Variants in DOCK4 observed in about 807,000 individuals in gnomAD.
DOCK4 encodes the protein dedicator of cytokinesis protein 4.
Under a neutral mutation model 268.1 loss-of-function variants are expected in DOCK4, and 97 were observed. The observed-to-expected ratio is 0.36, with a 90% CI of 0.31 to 0.43. The LOEUF (loss-of-function observed/expected upper bound fraction) is 0.43, where lower values mean the gene tolerates loss of function less well. Ranked by LOEUF, DOCK4 falls within the 20% of genes least tolerant of loss-of-function variation. The pLI, the probability that DOCK4 is intolerant of heterozygous loss-of-function variation, is 1.00. For synonymous variants in DOCK4, 954 were observed against 887.2 expected, an observed-to-expected ratio of 1.08 and a Z score of -1.34; for missense variants, 2,145 against 2,455.7, an observed-to-expected ratio of 0.87 and a Z score of 2.67.
chr7:111,803,902 C>T (rs1318797022), intron 30 of DOCK4, among the ~76,000 whole-genome samples: 1 of 152,164 alleles, frequency 6.6e-6, no homozygotes, highest in Non-Finnish European at 1.5e-5. Context: ...TGAGATACCA[C>T]CTCACACCCA....
At chr7:111,735,953 T>C (rs1795445379) in intron 50 of DOCK4, among the ~76,000 whole-genome samples, 1 of 152,238 alleles carries the variant, frequency 6.6e-6, no homozygotes, top group South Asian at 2.1e-4. Flanking sequence ...CTTAAAATTC[T>C]TTTTCTCTAT....
At chr7:112,202,750 C>T (rs1462596798) in intron 1 of DOCK4, among the ~76,000 whole-genome samples, 1 of 150,726 alleles carries the variant, frequency 6.6e-6, no homozygotes, top group East Asian at 1.9e-4. Flanking sequence ...CAGAGCAAAA[C>T]CCTGTCTCTA....
chr7:111,727,188 T>A lies in DOCK4; in HGVS notation c.*1086A>T, dbSNP rs1283582371. 3.3e-5 allele frequency: 5 copies of A among 152,638 alleles called. No individual in the cohort carries two copies. In the East Asian group the frequency reaches 9.6e-4, roughly 29 times the overall value. 9.5% of individuals were successfully genotyped at this position (152,638 alleles called of 1,614,324 possible). A position where few individuals can be genotyped will look rare whatever the true frequency, so the allele number is the denominator to read the frequency against. On this transcript the variant is annotated 3_prime_UTR_variant, in exon 53 of 53. Transcript: ENST00000428084. ...TGTTGCAATATTCAAGCTAGAGAAGTCTACAGCAATCCTCCTTCAAGAGAA... is the reference window on the plus strand; with the variant it reads ...TGTTGCAATATTCAAGCTAGAGAAGACTACAGCAATCCTCCTTCAAGAGAA...
intron 16 of DOCK4, among the ~76,000 whole-genome samples, chr7:111,885,454 T>C (rs1209855145): frequency 6.6e-6 from 1 of 152,314 alleles, no homozygotes; most frequent in East Asian, 1.9e-4. Flanking sequence ...GACACTGTCT[T>C]CTCTACTAGA....
intron 12 of DOCK4, among the ~76,000 whole-genome samples, chr7:111,928,160 T>C (rs887294200): frequency 4.6e-5 from 7 of 152,222 alleles, no homozygotes; most frequent in Admixed American, 1.3e-4. Flanking sequence ...TTTTCTTTTG[T>C]TACTCTGTCT....
intron 10 of DOCK4, among the ~76,000 whole-genome samples, chr7:111,940,558 G>A (rs1586443028): frequency 6.6e-6 from 1 of 152,134 alleles, no homozygotes; most frequent in South Asian, 2.1e-4. Context: ...GGAAGTTCAC[G>A]TCACTAAAGG....
chr7:111,798,739 G>A (rs746771577), intron 30 of DOCK4, among the ~76,000 whole-genome samples: 7 of 152,190 alleles, frequency 4.6e-5, no homozygotes, highest in Admixed American at 1.3e-4. Context: ...CAGGCACAGC[G>A]CTCAATTCGC....
chr7:111,981,547 T>G (rs1487697309), intron 7 of DOCK4, among the ~76,000 whole-genome samples: 1 of 152,054 alleles, frequency 6.6e-6, no homozygotes, highest in African/African-American at 2.4e-5. Context: ...AAAAACAAAG[T>G]AAAAAAGAAA....
At chr7:111,740,353 G>A (rs1795823641) in intron 47 of DOCK4, 1 of 193,516 alleles carries the variant, frequency 5.2e-6, no homozygotes, top group Non-Finnish European at 1.1e-5. Context: ...CGCTCACCTC[G>A]GCCTCCCAAA....
At chr7:111,939,722 A>T (rs529393980) in intron 11 of DOCK4, among the ~76,000 whole-genome samples, 57 of 152,276 alleles carry the variant, frequency 3.7e-4, no homozygotes, top group African/African-American at 1.2e-3. Flanking sequence ...TAACACCTAG[A>T]GTAGGATGGA....
At chr7:112,136,208 T>C (rs1814329940) in intron 1 of DOCK4, among the ~76,000 whole-genome samples, 1 of 152,184 alleles carries the variant, frequency 6.6e-6, no homozygotes, top group African/African-American at 2.4e-5. Flanking sequence ...TTTCATTTTA[T>C]AGCTAATATG....
intron 7 of DOCK4, among the ~76,000 whole-genome samples, chr7:111,983,844 A>ACGCGCG (rs57929541): frequency 4.3e-5 from 6 of 138,938 alleles, no homozygotes; most frequent in Non-Finnish European, 9.2e-5. Context: ...GTACACACAC[A>ACGCGCG]CGCGCGCGCG....
intron 1 of DOCK4, among the ~76,000 whole-genome samples, chr7:112,165,389 A>G (rs1440337268): frequency 6.6e-5 from 10 of 151,718 alleles, no homozygotes; most frequent in Non-Finnish European, 8.8e-5. Context: ...CAGATTTTTT[A>G]GCTCCCACAT....
chr7:112,118,500 T>C (rs7784464), intron 1 of DOCK4, among the ~76,000 whole-genome samples: 57,557 of 152,024 alleles, frequency 0.38, 11,255 homozygotes, highest in East Asian at 0.56. Context: ...AAAATTCACA[T>C]TTCGTATAAA....
In DOCK4 at chr7:111,765,272, T is replaced by TATCA. The variant is rs1333966615; in HGVS notation, c.3916-54_3916-51dup. The TATCA allele has an allele frequency of 5.9e-6, 6 of 1,008,638 alleles. No individual in the cohort carries two copies. In the African/African-American group the frequency reaches 8.6e-5, roughly 14 times the overall value. The allele number at this position is 1,008,638 out of a possible 1,614,324, so 62.5% of individuals were successfully genotyped here. On this transcript the variant is annotated intron_variant, in intron 38 of 52. Transcript: ENST00000428084. The stretch of plus-strand genomic sequence containing the variant: ...AGCATTTTATCTCATCTTTCGGTTC[T>TATCA]ATCAAATTTATAGAATAAGATTTCT...
intron 27 of DOCK4, among the ~76,000 whole-genome samples, chr7:111,813,344 T>C (rs1418494873): frequency 6.6e-6 from 1 of 151,420 alleles, no homozygotes; most frequent in Non-Finnish European, 1.5e-5. Flanking sequence ...TATTTACTAG[T>C]TAGAAAAATA....
intron 12 of DOCK4, among the ~76,000 whole-genome samples, chr7:111,924,289 G>A (rs78233204): frequency 0.013 from 2,024 of 152,142 alleles, 23 homozygotes; most frequent in Non-Finnish European, 0.021. Flanking sequence ...GGGATCCCAT[G>A]CATCATAGGT....
At chr7:111,952,176 A>G (rs73207420) in intron 8 of DOCK4, among the ~76,000 whole-genome samples, 12,273 of 152,192 alleles carry the variant, frequency 0.081, 507 homozygotes, top group Middle Eastern at 0.16. Context: ...AAGCCACAAC[A>G]TATCTGTGTT....
At chr7:111,730,841 A>G (rs1270733783) in intron 52 of DOCK4, among the ~76,000 whole-genome samples, 1 of 152,296 alleles carries the variant, frequency 6.6e-6, no homozygotes, top group South Asian at 2.1e-4. Context: ...AGGTCTGCTG[A>G]GAGACAGTAT....
Sources: allele counts gnomAD v4.1 joint callset (sites outside exome capture counted in the v4.1 genomes callset), GRCh38; gene constraint gnomAD v4.1.1; transcripts MANE v1.5; gene names NCBI Gene and HGNC (gene_info 2026-07-23, HGNC 2026-07-21).